The following GTF2IRD1 variants were observed in gnomAD, a reference collection of about 807,000 sequenced individuals.
GTF2IRD1 encodes GTF2I repeat domain containing 1.
In GTF2IRD1, 26 loss-of-function variants were observed where a neutral mutation model predicts 113.2. That is an observed-to-expected ratio of 0.23 (90% CI 0.17 to 0.32). The LOEUF is 0.32. GTF2IRD1 is among the 10% of genes least tolerant of loss of function. The pLI is 1.00. For missense variants in GTF2IRD1, 864 were observed against 1,280.8 expected, an observed-to-expected ratio of 0.67 and a Z score of 4.97; for synonymous variants, 484 against 529.1, an observed-to-expected ratio of 0.91 and a Z score of 1.17.
chr7:74,540,774 C>A (rs1313279398), intron 14 of GTF2IRD1, among the ~76,000 whole-genome samples: 1 of 151,776 alleles, frequency 6.6e-6, no homozygotes, highest in Non-Finnish European at 1.5e-5. Context: ...CATAGAGAGA[C>A]CCATCTCTTA....
intron 16 of GTF2IRD1, 66 bp downstream of exon 16, chr7:74,545,875 A>G: frequency 8.2e-7 from 1 of 1,223,928 alleles, no homozygotes. Flanking sequence ...TGTTTGCAGA[A>G]GGGCTTTGGT....
At chr7:74,593,975 A>G (rs1554371081) in intron 24 of GTF2IRD1, among the ~76,000 whole-genome samples, 1 of 151,936 alleles carries the variant, frequency 6.6e-6, no homozygotes, top group East Asian at 1.9e-4. Context: ...CAAGGCGGGC[A>G]GTTCACGAGG....
intron 1 of GTF2IRD1, among the ~76,000 whole-genome samples, chr7:74,489,732 C>T (rs530658129): frequency 9.2e-5 from 14 of 152,334 alleles, no homozygotes; most frequent in East Asian, 3.9e-4. Context: ...CCTCTCCTTA[C>T]ACCTGTCCCA....
Position 74,518,291 on chromosome 7 carries a change from C to T in GTF2IRD1, c.574C>T (p.His192Tyr). ...CAAGGCCCTCATGGCCATCCTGGAA[C>T]ACAGCCACCGCATCCGCTTCAAGCT... ...DPKALMAILE[H>Y]SHRIRFKLKR... Residue 192 changes from histidine to tyrosine, a missense_variant, in exon 5 of 27, where the codon CAC becomes TAC. Physicochemically the swap from His to Tyr is moderately conservative, Grantham distance 83. Transcript: ENST00000424337. 6.2e-7 allele frequency: 1 copy of T among 1,604,518 alleles called. No individual in the cohort carries two copies. The highest frequency in any genetic ancestry group is 8.5e-7 in the Non-Finnish European group (1 of 1,173,542).
chr7:74,597,594 AC>A (rs1802500605), intron 25 of GTF2IRD1, among the ~76,000 whole-genome samples: 3 of 146,128 alleles, frequency 2.1e-5, no homozygotes, highest in Admixed American at 1.4e-4. Flanking sequence ...TGATCTTCCC[AC>A]CCCAGCATCC....
At chr7:74,503,605 C>T (rs2129915853) in intron 1 of GTF2IRD1, among the ~76,000 whole-genome samples, 1 of 152,246 alleles carries the variant, frequency 6.6e-6, no homozygotes, top group East Asian at 1.9e-4. Flanking sequence ...AAACATTAGC[C>T]AGGCGTGGTG....
rs1446489685 is a variant in GTF2IRD1 at position 74,512,251 on chromosome 7, C to T, written c.124-579C>T. On this transcript the variant is annotated intron_variant, in intron 2 of 26. Transcript: ENST00000424337. This position sits in a 1 kb window ranked among gnomAD's most constrained non-coding sequence, Gnocchi z 4.4. ...CCTGTAGTCCCAGCTACTCGGGAGG[C>T]TGAGGCAGGAGAATCGCTTGAACCT... Among the ~76,000 whole-genome samples the T allele has an allele frequency of 6.6e-6, 1 of 152,174 alleles. No individual in the cohort carries two copies. Among genetic ancestry groups the T allele is most frequent in the African/African-American group, 2.4e-5 (1 of 41,436 alleles).
intron 3 of GTF2IRD1, among the ~76,000 whole-genome samples, chr7:74,513,328 CAG>C (rs1172209148): frequency 6.6e-6 from 1 of 152,094 alleles, no homozygotes; most frequent in Non-Finnish European, 1.5e-5. Context: ...TTAAATGAGA[CAG>C]AGTCTTGCCC....
intron 1 of GTF2IRD1, among the ~76,000 whole-genome samples, chr7:74,489,148 A>G (rs80138549): frequency 2.7e-5 from 4 of 149,972 alleles, no homozygotes; most frequent in East Asian, 3.9e-4. Flanking sequence ...TCTCAAAAAG[A>G]AAAAAAAAGA....
chr7:74,562,555 CTTTTTTT>C (rs1167468655), intron 22 of GTF2IRD1, among the ~76,000 whole-genome samples: 2 of 62,702 alleles, frequency 3.2e-5, no homozygotes, highest in Non-Finnish European at 5.3e-5. Context: ...CAATTGCCCT[CTTTTTTT>C]TTTTTTTTTT....
At chr7:74,455,026 C>A (rs1013117326) in intron 1 of GTF2IRD1, among the ~76,000 whole-genome samples, 1 of 152,098 alleles carries the variant, frequency 6.6e-6, no homozygotes, top group Admixed American at 6.5e-5. Context: ...GGAAGGGGGC[C>A]GCTGTGCCGC....
chr7:74,487,669 T>C (rs999262993), intron 1 of GTF2IRD1: 4 of 152,216 alleles, frequency 2.6e-5, no homozygotes, highest in African/African-American at 9.6e-5. Context: ...TGTAATTCCA[T>C]TGGTAACAAA....
At chr7:74,468,812 C>T (rs1554331619) in intron 1 of GTF2IRD1, among the ~76,000 whole-genome samples, 2 of 150,924 alleles carry the variant, frequency 1.3e-5, no homozygotes, top group African/African-American at 4.9e-5. Flanking sequence ...GGGCCGGGCG[C>T]GGTGGCTCAC....
At chr7:74,575,120 C>G (rs1347011709) in intron 22 of GTF2IRD1, among the ~76,000 whole-genome samples, 2 of 152,068 alleles carry the variant, frequency 1.3e-5, no homozygotes, top group African/African-American at 4.8e-5. Context: ...AAAACCCAGC[C>G]TCACGGAGCC....
At chr7:74,542,951 C>A (rs1798712629) in intron 14 of GTF2IRD1, among the ~76,000 whole-genome samples, 1 of 152,236 alleles carries the variant, frequency 6.6e-6, no homozygotes. Flanking sequence ...CAGCCTTGGG[C>A]TGGAAAACAT....
At chr7:74,514,543 C>T (rs939546052) in intron 3 of GTF2IRD1, among the ~76,000 whole-genome samples, 4 of 152,152 alleles carry the variant, frequency 2.6e-5, no homozygotes, top group Non-Finnish European at 4.4e-5. Flanking sequence ...GGGAGGGGGC[C>T]GCAGGCCCCT....
At chr7:74,480,782 G>A (rs1794696460) in intron 1 of GTF2IRD1, among the ~76,000 whole-genome samples, 1 of 152,226 alleles carries the variant, frequency 6.6e-6, no homozygotes, top group African/African-American at 2.4e-5. Context: ...CGGGGGACGG[G>A]AGAGAAATGG....
chr7:74,536,902 G>C (rs1381759437), intron 11 of GTF2IRD1, among the ~76,000 whole-genome samples: 3 of 152,090 alleles, frequency 2.0e-5, no homozygotes, highest in Admixed American at 1.3e-4. Context: ...CTTGATCCCA[G>C]GAGTTTGAGA....
intron 1 of GTF2IRD1, among the ~76,000 whole-genome samples, chr7:74,466,495 C>A (rs782304169): frequency 6.6e-6 from 1 of 152,138 alleles, no homozygotes; most frequent in South Asian, 2.1e-4. Flanking sequence ...CTGTGCCAGC[C>A]ACGATGAGCC....
Sources: allele counts gnomAD v4.1 joint callset (sites outside exome capture counted in the v4.1 genomes callset), GRCh38; gene constraint gnomAD v4.1.1; non-coding constraint Gnocchi (gnomAD v3.1); transcripts MANE v1.5; gene names NCBI Gene and HGNC (gene_info 2026-07-23, HGNC 2026-07-21).